TRAK2: variants seen among roughly 807,000 people sequenced by gnomAD.
The protein encoded by TRAK2 is trafficking kinesin-binding protein 2.
Under a neutral mutation model 104.6 loss-of-function variants are expected in TRAK2, and 81 were observed. The ratio of observed to expected loss-of-function variants is 0.77; its 90% CI spans 0.65 to 0.93. The LOEUF is 0.93. Ranked by LOEUF, TRAK2 falls within the 40% of genes least tolerant of loss-of-function variation. The pLI, the probability that TRAK2 is intolerant of heterozygous loss-of-function variation, is 0.00. For synonymous variants in TRAK2, 406 were observed against 394.4 expected (o/e 1.03, Z -0.35); for missense variants, 1,002 against 1,089.0 (o/e 0.92, Z 1.12).
At chr2:201,417,241 C>CAAAAAAAAAAAAA (rs61702415) in intron 2 of TRAK2, among the ~76,000 whole-genome samples, 341 of 88,160 alleles carry the variant, frequency 3.9e-3, no homozygotes, top group Middle Eastern at 0.013. Context: ...GAAGACATTG[C>CAAAAAAAAAAAAA]AAAAAAAAAA....
At chr2:201,417,241 C>CAAAAAAAAAAAAAAAAAAAAAAAAAAAAA (rs61702415) in intron 2 of TRAK2, among the ~76,000 whole-genome samples, 9 of 88,426 alleles carry the variant, frequency 1.0e-4, no homozygotes, top group Admixed American at 2.5e-4. Flanking sequence ...GAAGACATTG[C>CAAAAAAAAAAAAAAAAAAAAAAAAAAAAA]AAAAAAAAAA....
intron 1 of TRAK2, among the ~76,000 whole-genome samples, chr2:201,423,990 T>A (rs1268842417): frequency 6.6e-6 from 1 of 152,236 alleles, no homozygotes; most frequent in Non-Finnish European, 1.5e-5. Context: ...TAATTTTAAT[T>A]CCAGTTGTCA....
At position 201,447,781 on chromosome 2, in the gene TRAK2, A is replaced by G. The variant is rs1249167682; in HGVS notation, c.-200+3569T>C. ...ATTTTGGGAGGACACAATTCAGCCC[A>G]TAACAACCCCTTCCCCTTTTCTCTG... On this transcript the variant is annotated intron_variant, in intron 1 of 15. Coordinates refer to ENST00000332624, the MANE Select transcript of TRAK2 (RefSeq NM_015049.3). This position sits in a 1 kb window ranked among gnomAD's most constrained non-coding sequence, Gnocchi z 4.1. Among the ~76,000 whole-genome samples the G allele has an allele frequency of 6.6e-6, 1 of 152,212 alleles. No individual in the cohort carries two copies. Among genetic ancestry groups the G allele is most frequent in the Non-Finnish European group, 1.5e-5 (1 of 68,030 alleles).
At chr2:201,391,761 C>T (rs1951450046) in intron 10 of TRAK2, among the ~76,000 whole-genome samples, 1 of 152,142 alleles carries the variant, frequency 6.6e-6, no homozygotes, top group Non-Finnish European at 1.5e-5. Context: ...GAGAATATGG[C>T]ATGATTTCTG....
chr2:201,443,605 T>A (rs1271301998), intron 1 of TRAK2, among the ~76,000 whole-genome samples: 1 of 152,166 alleles, frequency 6.6e-6, no homozygotes, highest in Non-Finnish European at 1.5e-5. Flanking sequence ...ACTTCTTGAC[T>A]CCACTCAAAT....
At chr2:201,446,048 T>C (rs1459867750) in intron 1 of TRAK2, among the ~76,000 whole-genome samples, 5 of 152,226 alleles carry the variant, frequency 3.3e-5, no homozygotes, top group Admixed American at 2.0e-4. Flanking sequence ...GAGTTGGGGA[T>C]AGATGAACTT....
intron 2 of TRAK2, among the ~76,000 whole-genome samples, chr2:201,413,855 A>G (rs1035682739): frequency 6.6e-6 from 1 of 152,146 alleles, no homozygotes; most frequent in Non-Finnish European, 1.5e-5. Flanking sequence ...TTAGTCCTAC[A>G]TATCTCCTAA....
At chr2:201,420,755 C>A (rs562460716) in intron 1 of TRAK2, 49 bp from the exon 2 acceptor site, 138 of 354,758 alleles carry the variant, frequency 3.9e-4, no homozygotes, top group African/African-American at 2.7e-3. Context: ...TCTTTAACAA[C>A]AGGAATCTAA....
At chr2:201,429,445 C>G (rs1480357752) in intron 1 of TRAK2, among the ~76,000 whole-genome samples, 2 of 152,196 alleles carry the variant, frequency 1.3e-5, no homozygotes, top group Non-Finnish European at 2.9e-5. Flanking sequence ...TGGATAATAT[C>G]CTGAAGAGTG....
At chr2:201,423,760 T>C (rs1020652501) in intron 1 of TRAK2, among the ~76,000 whole-genome samples, 1 of 152,134 alleles carries the variant, frequency 6.6e-6, no homozygotes, top group Non-Finnish European at 1.5e-5. Context: ...TACTATATAA[T>C]ACAAAGTATA....
chr2:201,386,534 C>A, intron 13 of TRAK2, 50 bp from the exon 14 acceptor site: 1 of 1,593,982 alleles, frequency 6.3e-7, no homozygotes, highest in Non-Finnish European at 8.6e-7. Flanking sequence ...ACATTTCCCA[C>A]AAATCTTAAA....
intron 1 of TRAK2, among the ~76,000 whole-genome samples, chr2:201,433,925 T>G (rs560787708): frequency 1.3e-5 from 2 of 152,304 alleles, no homozygotes; most frequent in Admixed American, 6.5e-5. Context: ...TGGGTACATC[T>G]TTTGTCACAC....
At position 201,380,455 on chromosome 2, in the gene TRAK2, T is replaced by TGAGAAAAGG; in HGVS notation, c.*87_*88insCCTTTTCTC. Reference sequence around the variant, plus strand: ...CACAACCCTTGTGCAACATTCCTTTTCTCTCAAGTCAGACCAGACCACATG... The same window carrying TGAGAAAAGG: ...CACAACCCTTGTGCAACATTCCTTTTGAGAAAAGGCTCTCAAGTCAGACCAGACCACATG... On this transcript the variant is annotated 3_prime_UTR_variant, in exon 16 of 16. Transcript: ENST00000332624. 1 of 1,317,566 alleles carries TGAGAAAAGG rather than the reference T, an allele frequency of 7.6e-7. No homozygotes were observed. The highest frequency in any genetic ancestry group is 1.0e-6 in the Non-Finnish European group (1 of 957,788). 81.6% of individuals were successfully genotyped at this position (1,317,566 alleles called of 1,614,324 possible). A position where few individuals can be genotyped will look rare whatever the true frequency, so the allele number is the denominator to read the frequency against.
At chr2:201,401,167 G>C in intron 3 of TRAK2, 73 bp from the exon 4 acceptor site, 1 of 1,020,306 alleles carries the variant, frequency 9.8e-7, no homozygotes, top group Non-Finnish European at 1.4e-6. Flanking sequence ...TAAGAATTGA[G>C]AGATAACAAC....
intron 1 of TRAK2, among the ~76,000 whole-genome samples, chr2:201,437,117 C>T (rs138161675): frequency 3.9e-5 from 6 of 152,226 alleles, no homozygotes; most frequent in South Asian, 2.1e-4. Flanking sequence ...ATGCAATAGA[C>T]GCCTTTGGTT....
rs1951312536 is a variant in TRAK2, at chr2:201,378,900, A to G, written c.*1643T>C. 1 of 152,200 alleles carries G rather than the reference A, an allele frequency of 6.6e-6. No individual in the cohort carries two copies. The highest frequency in any genetic ancestry group is 2.4e-5 in the African/African-American group (1 of 41,450). 9.4% of individuals were successfully genotyped at this position (152,200 alleles called of 1,614,324 possible). ...GTGGGGGGATGGCGGGGATGCCTCAAAAGGGGAGAGGAAGGACTCTCCTTG... is the reference window on the plus strand; with the variant it reads ...GTGGGGGGATGGCGGGGATGCCTCAGAAGGGGAGAGGAAGGACTCTCCTTG... On this transcript the variant is annotated 3_prime_UTR_variant, in exon 16 of 16. Coordinates refer to ENST00000332624, the MANE Select transcript of TRAK2 (RefSeq NM_015049.3).
intron 2 of TRAK2, among the ~76,000 whole-genome samples, chr2:201,414,743 C>A (rs983410268): frequency 2.6e-5 from 4 of 152,028 alleles, no homozygotes; most frequent in Admixed American, 6.5e-5. Context: ...TCCTGCCACA[C>A]ATATATTACA....
Position 201,389,390 on chromosome 2 carries a change from A to T in TRAK2, c.1307T>A (p.Ile436Asn), listed in dbSNP as rs1207132739. The change falls in exon 12 of 16, where the codon ATC becomes AAC. Residue 436 changes from isoleucine to asparagine, a missense_variant. Ile to Asn is a moderately radical substitution (Grantham distance 149, BLOSUM62 -3). Transcript: ENST00000332624. Reference protein sequence around the residue: ...PIPGSNRSSVIMTAKPFESGL... With the variant: ...PIPGSNRSSVNMTAKPFESGL... The stretch of plus-strand genomic sequence containing the variant: ...AGACTCAAAAGGTTTTGCTGTCATG[A>T]TGACACTTGAACGGTTGGAGCCTGG... 2 of 1,614,048 alleles carry T rather than the reference A, an allele frequency of 1.2e-6. No individual in the cohort carries two copies. Among genetic ancestry groups the T allele is most frequent in the African/African-American group, 2.7e-5 (2 of 74,916 alleles).
chr2:201,385,270 A>G (rs1397562140), intron 14 of TRAK2, among the ~76,000 whole-genome samples: 5 of 152,206 alleles, frequency 3.3e-5, no homozygotes, highest in Non-Finnish European at 1.5e-5. Flanking sequence ...TGACCAACGC[A>G]TGATCTTAAA....
Sources: gnomAD v4.1 joint callset for allele counts (sites outside exome capture counted in the v4.1 genomes callset) on GRCh38, gnomAD v4.1.1 for gene constraint, Gnocchi (gnomAD v3.1) non-coding constraint, MANE v1.5 for transcripts, NCBI Gene and HGNC (gene_info 2026-07-23, HGNC 2026-07-21) for gene names.